TBC1D8: variants seen among roughly 807,000 people sequenced by gnomAD.
TBC1D8 encodes the protein BUB2-like protein 1.
Under a neutral mutation model 118.8 loss-of-function variants are expected in TBC1D8, and 65 were observed. That is an observed-to-expected ratio of 0.55 (90% CI 0.45 to 0.67). TBC1D8 has a LOEUF of 0.67. Ranked by LOEUF, TBC1D8 falls within the 30% of genes least tolerant of loss-of-function variation. The pLI is 0.00. For synonymous variants in TBC1D8, 566 were observed against 595.8 expected, an observed-to-expected ratio of 0.95 and a Z score of 0.73; for missense variants, 1,376 against 1,471.2, an observed-to-expected ratio of 0.94 and a Z score of 1.06.
chr2:101,044,382 A>G (rs1289959958), intron 5 of TBC1D8, among the ~76,000 whole-genome samples: 2 of 152,238 alleles, frequency 1.3e-5, no homozygotes, highest in African/African-American at 2.4e-5. Flanking sequence ...GAAGTTTAGA[A>G]TAAGACCATC....
chr2:101,054,245 C>T lies in TBC1D8; in HGVS notation c.494G>A (p.Arg165Lys). The change falls in exon 4 of 20, where the codon AGG becomes AAG. Residue 165 changes from arginine to lysine, a missense_variant. Arg to Lys is a conservative substitution (Grantham distance 26). Coordinates refer to ENST00000409318, the MANE Select transcript of TBC1D8 (RefSeq NM_001330348.2). ...CTTCTCCGCCTCGGGGAAGTTGAAC[C>T]TGGCCTCGAACTTCACCAGGGCTTC... ...FREALVKFEA[R>K]FNFPEAEKLV... 6.2e-7 allele frequency: 1 copy of T among 1,605,910 alleles called. No individual in the cohort carries two copies. The highest frequency in any genetic ancestry group is 8.5e-7 in the Non-Finnish European group (1 of 1,176,352).
At chr2:101,063,532 C>A (rs1478897815) in intron 2 of TBC1D8, among the ~76,000 whole-genome samples, 1 of 152,176 alleles carries the variant, frequency 6.6e-6, no homozygotes, top group Non-Finnish European at 1.5e-5. Flanking sequence ...ATTTCCTACA[C>A]AAGTTGCCAA....
intron 8 of TBC1D8, among the ~76,000 whole-genome samples, chr2:101,037,227 C>T (rs1031287413): frequency 6.6e-6 from 1 of 152,226 alleles, no homozygotes; most frequent in Non-Finnish European, 1.5e-5. Flanking sequence ...GGCACACAGA[C>T]AGCACTGGCT....
chr2:101,033,952 T>C (rs1680838360), intron 9 of TBC1D8, among the ~76,000 whole-genome samples, 194 bp from the exon 10 acceptor site: 1 of 152,112 alleles, frequency 6.6e-6, no homozygotes, highest in Middle Eastern at 3.4e-3. Context: ...TCACTTGAGG[T>C]CAGGAGTTCG....
intron 9 of TBC1D8, 62 bp from the exon 10 acceptor site, chr2:101,033,820 A>T (rs1238864464): frequency 1.9e-5 from 30 of 1,552,558 alleles, no homozygotes; most frequent in East Asian, 2.3e-5. Flanking sequence ...ATGATGAAGA[A>T]GATGCTGGTC....
chr2:101,108,435 A>G (rs569728136), intron 1 of TBC1D8, among the ~76,000 whole-genome samples: 1 of 152,350 alleles, frequency 6.6e-6, no homozygotes, highest in Non-Finnish European at 1.5e-5. Context: ...TACTGCTGCC[A>G]TAACAAGCTA....
At chr2:101,064,455 G>A (rs1201183535) in intron 2 of TBC1D8, among the ~76,000 whole-genome samples, 1 of 152,160 alleles carries the variant, frequency 6.6e-6, no homozygotes, top group Non-Finnish European at 1.5e-5. Flanking sequence ...GTGGGGAGCA[G>A]CTCTAGCAAA....
intron 1 of TBC1D8, among the ~76,000 whole-genome samples, chr2:101,116,561 C>T (rs557478049): frequency 4.5e-4 from 69 of 152,244 alleles, no homozygotes; most frequent in Non-Finnish European, 9.0e-4. Context: ...ATCCTAATCC[C>T]CCATACCTCA....
chr2:101,129,533 G>C (rs949599154), intron 1 of TBC1D8, among the ~76,000 whole-genome samples: 5 of 152,164 alleles, frequency 3.3e-5, no homozygotes, highest in South Asian at 2.1e-4. Flanking sequence ...AAAGTAGCTG[G>C]AGAGATCTGG....
At chr2:101,141,462 C>T (rs1022501296) in intron 1 of TBC1D8, among the ~76,000 whole-genome samples, 1 of 152,108 alleles carries the variant, frequency 6.6e-6, no homozygotes, top group African/African-American at 2.4e-5. Flanking sequence ...CAGCCTCCTG[C>T]CAGGCTCCAA....
intron 2 of TBC1D8, among the ~76,000 whole-genome samples, chr2:101,075,253 C>A (rs1210408891): frequency 6.6e-6 from 1 of 152,028 alleles, no homozygotes; most frequent in Admixed American, 6.6e-5. Flanking sequence ...AAAAAATTAG[C>A]CAGGCGTGGT....
chr2:101,101,333 A>G (rs534594806), intron 1 of TBC1D8, among the ~76,000 whole-genome samples: 4 of 152,246 alleles, frequency 2.6e-5, no homozygotes, highest in African/African-American at 4.8e-5. Flanking sequence ...AATGCAAATC[A>G]AAATCACAAT....
chr2:101,059,329 T>C (rs1184472375), intron 3 of TBC1D8, 92 bp downstream of exon 3: 5 of 952,214 alleles, frequency 5.3e-6, no homozygotes, highest in African/African-American at 5.0e-5. Context: ...GTTCAGTTAG[T>C]AGGAAAAACT....
intron 8 of TBC1D8, among the ~76,000 whole-genome samples, chr2:101,037,054 A>G (rs1423083668): frequency 6.6e-6 from 1 of 152,242 alleles, no homozygotes; most frequent in African/African-American, 2.4e-5. Context: ...AACTTCCAGT[A>G]TCTTTACCAG....
At position 101,036,095 on chromosome 2, in the gene TBC1D8, C is replaced by T. The variant is rs201324556; in HGVS notation, c.1526G>A (p.Arg509His). The change falls in exon 9 of 20, where the codon CGC becomes CAC. Residue 509 changes from arginine (R) to histidine (H), a missense_variant. By Grantham distance (29) the Arg-to-His change is conservative. Transcript: ENST00000409318. The stretch of plus-strand genomic sequence containing the variant: ...TACGAGCTTCCGAATCTTCTCTGTG[C>T]GAAACATACACACGGTTCTGCCGTA... The part of the protein sequence containing the change: ...VEYGRTVCMF[R>H]TEKIRKLVAM... The T allele has an allele frequency of 5.4e-4, 870 of 1,613,812 alleles. No individual in the cohort carries two copies. The highest frequency in any genetic ancestry group is 6.8e-4 in the Non-Finnish European group (806 of 1,179,866).
chr2:101,091,178 G>A (rs755242401), intron 1 of TBC1D8, among the ~76,000 whole-genome samples: 20 of 152,056 alleles, frequency 1.3e-4, no homozygotes, highest in South Asian at 8.3e-4. Context: ...CCAGCTACTC[G>A]GGAGGCCGAG....
chr2:101,019,109 G>T, intron 17 of TBC1D8: 1 of 1,564,882 alleles, frequency 6.4e-7, no homozygotes, highest in Non-Finnish European at 8.7e-7. Context: ...TGCAGCAGAT[G>T]CCTTTACAAC....
chr2:101,036,261 C>G (rs2105394644), intron 8 of TBC1D8, 93 bp from the exon 9 acceptor site: 2 of 1,474,378 alleles, frequency 1.4e-6, no homozygotes, highest in East Asian at 2.3e-5. Flanking sequence ...AAGTACTGCC[C>G]CTGCTCTCCG....
At chr2:101,128,103 C>T (rs1418569771) in intron 1 of TBC1D8, among the ~76,000 whole-genome samples, 1 of 152,148 alleles carries the variant, frequency 6.6e-6, no homozygotes, top group Non-Finnish European at 1.5e-5. Flanking sequence ...TTCTTTTCCA[C>T]CTCCTAATAG....
Sources: gnomAD v4.1 joint callset for allele counts (sites outside exome capture counted in the v4.1 genomes callset) on GRCh38, gnomAD v4.1.1 for gene constraint, MANE v1.5 for transcripts, NCBI Gene and HGNC (gene_info 2026-07-23, HGNC 2026-07-21) for gene names.